Variants in EFCAB6 observed in about 807,000 individuals in gnomAD.
EFCAB6 encodes EF-hand calcium-binding domain-containing protein 6.
A neutral mutation model predicts 169.8 loss-of-function variants in EFCAB6; 156 were observed. The ratio of observed to expected loss-of-function variants is 0.92; its 90% CI spans 0.81 to 1.05. The LOEUF (loss-of-function observed/expected upper bound fraction) is 1.05, where lower values mean the gene tolerates loss of function less well. Among genes scored for constraint, EFCAB6 ranks in the 50% least tolerant of loss-of-function variants. The pLI is 0.00. For synonymous variants in EFCAB6, 698 were observed against 676.4 expected, an observed-to-expected ratio of 1.03 and a Z score of -0.50; for missense variants, 1,800 against 1,829.1, an observed-to-expected ratio of 0.98 and a Z score of 0.29.
intron 8 of EFCAB6, among the ~76,000 whole-genome samples, chr22:43,730,088 C>G (rs575813852): frequency 1.3e-5 from 2 of 149,030 alleles, no homozygotes; most frequent in East Asian, 4.0e-4. Flanking sequence ...TGCTTGTGCC[C>G]AAAGTGCTGG....
chr22:43,590,884 G>T (rs1421930673), intron 23 of EFCAB6, among the ~76,000 whole-genome samples: 1 of 152,206 alleles, frequency 6.6e-6, no homozygotes, highest in Admixed American at 6.5e-5. Context: ...AGGCCCTAAG[G>T]AGGAGAAGAA....
chr22:43,717,010 C>A, intron 8 of EFCAB6, 38 bp from the exon 9 acceptor site: 1 of 1,433,612 alleles, frequency 7.0e-7, no homozygotes, highest in South Asian at 1.8e-5. Context: ...TCAACATTGT[C>A]AAAGGTTAAA....
At chr22:43,595,515 A>G (rs2147467397) in intron 23 of EFCAB6, among the ~76,000 whole-genome samples, 1 of 152,180 alleles carries the variant, frequency 6.6e-6, no homozygotes, top group East Asian at 1.9e-4. Flanking sequence ...GAAAACCTAG[A>G]AGTGGGTAAA....
At chr22:43,678,876 A>G (rs2057888703) in intron 12 of EFCAB6, among the ~76,000 whole-genome samples, 1 of 152,234 alleles carries the variant, frequency 6.6e-6, no homozygotes, top group Non-Finnish European at 1.5e-5. Context: ...TTAAGTAAGC[A>G]ATAAAGCAGT....
intron 17 of EFCAB6, among the ~76,000 whole-genome samples, chr22:43,642,353 A>G (rs1433306519): frequency 1.3e-5 from 2 of 151,958 alleles, no homozygotes; most frequent in African/African-American, 4.8e-5. Flanking sequence ...TATTATTTTT[A>G]TTTCTTTACA....
At chr22:43,649,345 A>G (rs1181718696) in intron 17 of EFCAB6, among the ~76,000 whole-genome samples, 1 of 152,234 alleles carries the variant, frequency 6.6e-6, no homozygotes, top group Non-Finnish European at 1.5e-5. Context: ...TAAATGAGTT[A>G]CCATTTTAAA....
intron 27 of EFCAB6, among the ~76,000 whole-genome samples, chr22:43,545,296 C>T (rs1602168013): frequency 6.6e-6 from 1 of 152,046 alleles, no homozygotes; most frequent in South Asian, 2.1e-4. Context: ...ATAAAAGATC[C>T]TATGTCTGGA....
intron 23 of EFCAB6, among the ~76,000 whole-genome samples, chr22:43,598,315 A>ACAAAAAC (rs372101266): frequency 4.5e-5 from 4 of 87,976 alleles, no homozygotes; most frequent in South Asian, 3.5e-4. Context: ...CTCCGGGAAA[A>ACAAAAAC]AAAAAAAAAA....
chr22:43,679,682 G>A (rs949535328), intron 12 of EFCAB6, among the ~76,000 whole-genome samples: 1 of 152,122 alleles, frequency 6.6e-6, no homozygotes, highest in African/African-American at 2.4e-5. Context: ...CCATCCTAGA[G>A]GGTGAGAAGT....
Position 43,735,951 on chromosome 22 carries a change from T to G in EFCAB6, c.550A>C (p.Ile184Leu). ...IKTVMKAFEL[I>L]DVNKTGLVRP... is the part of the protein sequence containing the mutation. ...ACCAGTCCAGTCTTGTTAACATCAA[T>G]GAGCTCAAAGGCTTTCATAACAGTC... The change falls in exon 7 of 32, where the codon ATT becomes CTT. Residue 184 changes from isoleucine to leucine, a missense_variant. Coordinates refer to ENST00000262726, the MANE Select transcript of EFCAB6 (RefSeq NM_022785.4). 1.2e-6 allele frequency: 2 copies of G among 1,614,136 alleles called. No homozygotes were observed. Among genetic ancestry groups the G allele is most frequent in the Non-Finnish European group, 1.7e-6 (2 of 1,180,020 alleles).
chr22:43,575,367 T>G (rs1316822986), intron 26 of EFCAB6, among the ~76,000 whole-genome samples: 1 of 149,106 alleles, frequency 6.7e-6, no homozygotes, highest in Non-Finnish European at 1.5e-5. Context: ...TGTTTTTTTT[T>G]TTTTTTTTTT....
chr22:43,691,764 G>A (rs1028736943), intron 10 of EFCAB6, among the ~76,000 whole-genome samples: 2 of 151,982 alleles, frequency 1.3e-5, no homozygotes, highest in African/African-American at 2.4e-5. Context: ...TCCAATAATG[G>A]TAAAATAAGA....
At chr22:43,675,534 T>C (rs1030638028) in intron 13 of EFCAB6, among the ~76,000 whole-genome samples, 3 of 143,236 alleles carry the variant, frequency 2.1e-5, no homozygotes, top group Non-Finnish European at 3.0e-5. Flanking sequence ...AAGTAAGCAA[T>C]AAATCAGTGT....
intron 12 of EFCAB6, among the ~76,000 whole-genome samples, chr22:43,681,851 A>G (rs908476031): frequency 6.6e-6 from 1 of 152,188 alleles, no homozygotes; most frequent in African/African-American, 2.4e-5. Context: ...TTCCTTCTGG[A>G]TGACTGAGAG....
intron 15 of EFCAB6, 118 bp downstream of exon 15, chr22:43,671,855 A>G (rs2057506495): frequency 4.2e-6 from 5 of 1,194,288 alleles, no homozygotes; most frequent in Non-Finnish European, 5.8e-6. Flanking sequence ...TTCAGCAAAT[A>G]GCAGTTATTA....
chr22:43,614,931 T>G (rs1471464764), intron 21 of EFCAB6, among the ~76,000 whole-genome samples: 1 of 150,688 alleles, frequency 6.6e-6, no homozygotes, highest in Non-Finnish European at 1.5e-5. Context: ...CTCTATGGAG[T>G]CCACAGCACA....
In EFCAB6 at chr22:43,630,638, T is replaced by C. The variant is rs547621893; in HGVS notation, c.2232+1467A>G. The stretch of plus-strand genomic sequence containing the variant: ...ACAGTTAGGGTGCCCGTGGAGGCCC[T>C]GCCGACCAGCACAGAAGGGAGTCTG... On this transcript the variant is annotated intron_variant, in intron 19 of 31. Coordinates refer to ENST00000262726, the MANE Select transcript of EFCAB6 (RefSeq NM_022785.4). 3.3e-5 allele frequency among the ~76,000 whole-genome samples: 5 copies of C among 152,352 alleles called. No homozygotes were observed. In the South Asian group the frequency reaches 1.0e-3, roughly 32 times the overall value.
At chr22:43,633,214 C>T (rs1016785919) in intron 18 of EFCAB6, among the ~76,000 whole-genome samples, 5 of 152,134 alleles carry the variant, frequency 3.3e-5, no homozygotes, top group East Asian at 3.9e-4. Context: ...TATGCCCTCT[C>T]GCTCCCCTAA....
At chr22:43,609,571 A>G (rs1177911294) in intron 21 of EFCAB6, among the ~76,000 whole-genome samples, 1 of 152,240 alleles carries the variant, frequency 6.6e-6, no homozygotes, top group African/African-American at 2.4e-5. Context: ...TCAAAAATAG[A>G]AAGGCCTAGG....
Sources: gnomAD v4.1 joint callset for allele counts (sites outside exome capture counted in the v4.1 genomes callset) on GRCh38, gnomAD v4.1.1 for gene constraint, MANE v1.5 for transcripts, NCBI Gene and HGNC (gene_info 2026-07-23, HGNC 2026-07-21) for gene names.